The following TIRAP variants were observed in gnomAD, a reference collection of about 807,000 sequenced individuals.
TIRAP encodes the protein TIR domain containing adaptor protein.
In TIRAP, 20 loss-of-function variants were observed where a neutral mutation model predicts 19.8. The ratio of observed to expected loss-of-function variants is 1.01; its 90% CI spans 0.71 to 1.47. The LOEUF (loss-of-function observed/expected upper bound fraction) is 1.47. TIRAP is among the 40% of genes most tolerant of loss of function. The probability of loss-of-function intolerance (pLI) is 0.00; values close to 1 mark genes in which losing one functional copy is unlikely to be tolerated. For synonymous variants in TIRAP, 125 were observed against 121.7 expected (o/e 1.03, Z -0.18); for missense variants, 276 against 285.1 (o/e 0.97, Z 0.23).
Position 126,286,991 on chromosome 11 carries a change from G to A in TIRAP, c.-216-3471G>A, listed in dbSNP as rs188147665. ...TCTTTCGTCTGCCTCAGACCTTCCT[G>A]CCTCCCTCTTGAAAGGATCTTTGTG... On this transcript the variant is annotated intron_variant, in intron 1 of 4. Coordinates refer to ENST00000392679, the MANE Select transcript of TIRAP (RefSeq NM_001318777.2). Among the ~76,000 whole-genome samples, 28 of 152,272 alleles carry A rather than the reference G, an allele frequency of 1.8e-4. 1 individual carries two copies. Among genetic ancestry groups the A allele is most frequent in the Non-Finnish European group, 3.7e-4 (25 of 68,016 alleles).
chr11:126,285,589 C>T (rs1179943443), intron 1 of TIRAP, among the ~76,000 whole-genome samples: 1 of 151,848 alleles, frequency 6.6e-6, no homozygotes, highest in African/African-American at 2.4e-5. Flanking sequence ...CATTTTAACC[C>T]TCGGGAGATT....
rs1201473519 is a variant in TIRAP at position 126,287,928 on chromosome 11, A to G, written c.-216-2534A>G. Among the ~76,000 whole-genome samples the G allele has an allele frequency of 1.3e-5, 2 of 151,798 alleles. No individual in the cohort carries two copies. The highest frequency in any genetic ancestry group is 2.9e-5 in the Non-Finnish European group (2 of 67,954). Reference sequence around the variant, plus strand: ...GACACCATGCCTGGCTAATTTTTGTATTTTTAGTAGAGACAGGGTTTCGAC... The same window carrying G: ...GACACCATGCCTGGCTAATTTTTGTGTTTTTAGTAGAGACAGGGTTTCGAC... On this transcript the variant is annotated intron_variant, in intron 1 of 4. Transcript: ENST00000392679. This position sits in a 1 kb window ranked among gnomAD's most constrained non-coding sequence, Gnocchi z 4.2.
At chr11:126,283,281 C>T (rs1009872519) in intron 1 of TIRAP, 128 bp downstream of exon 1, 2 of 434,074 alleles carry the variant, frequency 4.6e-6, no homozygotes, top group Non-Finnish European at 6.1e-6. Flanking sequence ...TGCGCGCCGC[C>T]TCTGGTCCGG....
rs1315472942 is a variant in TIRAP, at chr11:126,283,146, G to A, written c.-224G>A. ...CGCAGCCCTCATCGCAACTGGGCCC[G>A]CGCGCAGGTGAGCCCGGGGCGGGGT... On this transcript the variant is annotated 5_prime_UTR_variant, in exon 1 of 5. Transcript: ENST00000392679. 1.0e-6 allele frequency: 1 copy of A among 984,856 alleles called. No individual in the cohort carries two copies. The highest frequency in any genetic ancestry group is 4.7e-5 in the South Asian group (1 of 21,286). 61.0% of individuals were successfully genotyped at this position (984,856 alleles called of 1,614,324 possible). A position where few individuals can be genotyped will look rare whatever the true frequency, so the allele number is the denominator to read the frequency against.
At chr11:126,285,220 T>C (rs1054296358) in intron 1 of TIRAP, among the ~76,000 whole-genome samples, 2 of 144,928 alleles carry the variant, frequency 1.4e-5, no homozygotes, top group Admixed American at 7.2e-5. Context: ...TATAAGACAT[T>C]TATTGGATAT....
rs150070873 is a variant in TIRAP, at chr11:126,285,162, T to C, written c.-217+2009T>C. Among the ~76,000 whole-genome samples the C allele has an allele frequency of 6.4e-3, 973 of 151,528 alleles. 6 individuals are homozygous for C. Among genetic ancestry groups the C allele is most frequent in the Middle Eastern group, 0.027 (8 of 294 alleles). On this transcript the variant is annotated intron_variant, in intron 1 of 4. Coordinates refer to ENST00000392679, the MANE Select transcript of TIRAP (RefSeq NM_001318777.2). Reference sequence around the variant, plus strand: ...AGTGCCTGCTCAATTCTTCTGCTCATTTTTCTGTCGTCTTACTAGTTCCAT... The same window carrying C: ...AGTGCCTGCTCAATTCTTCTGCTCACTTTTCTGTCGTCTTACTAGTTCCAT...
chr11:126,294,642 A>G lies in TIRAP; in HGVS notation c.*955A>G, dbSNP rs1269308646. On this transcript the variant is annotated 3_prime_UTR_variant, in exon 5 of 5. Coordinates refer to ENST00000392679, the MANE Select transcript of TIRAP (RefSeq NM_001318777.2). ...AAGGTTTCATTCATCTGTTCTCAGT[A>G]AGTTTGTTGTTGAACTGAAATGAAT... The G allele has an allele frequency of 9.1e-6, 4 of 437,220 alleles. No homozygotes were observed. Among genetic ancestry groups the G allele is most frequent in the African/African-American group, 2.0e-5 (1 of 49,310 alleles). The allele number at this position is 437,220 out of a possible 1,614,324, so 27.1% of individuals were successfully genotyped here.
At chr11:126,283,462 G>A (rs1951280026) in intron 1 of TIRAP, among the ~76,000 whole-genome samples, 1 of 152,262 alleles carries the variant, frequency 6.6e-6, no homozygotes, top group African/African-American at 2.4e-5. Context: ...CTGGCGCTCA[G>A]TGCGTTGTGG....
At position 126,288,175 on chromosome 11, in the gene TIRAP, C is replaced by T. The variant is rs903833135; in HGVS notation, c.-216-2287C>T. On this transcript the variant is annotated intron_variant, in intron 1 of 4. Coordinates refer to ENST00000392679, the MANE Select transcript of TIRAP (RefSeq NM_001318777.2). This position sits in a 1 kb window ranked among gnomAD's most constrained non-coding sequence, Gnocchi z 5.0. ...GATTACAGGCATGAGCCACTGAGCC[C>T]GTTCCCTTTACTAATTTTCTATCAA... is the stretch of plus-strand genomic sequence containing the variant. 2.0e-5 allele frequency among the ~76,000 whole-genome samples: 3 copies of T among 152,354 alleles called. No individual in the cohort carries two copies. The highest frequency in any genetic ancestry group is 4.4e-5 in the Non-Finnish European group (3 of 68,024).
At chr11:126,284,033 C>CTTTTTTTTTTTTTTT in intron 1 of TIRAP, among the ~76,000 whole-genome samples, 1 of 113,200 alleles carries the variant, frequency 8.8e-6, no homozygotes, top group Non-Finnish European at 1.7e-5. Flanking sequence ...TCATGTACTT[C>CTTTTTTTTTTTTTTT]TTTTTTTTTT....
At chr11:126,293,236 A>T in intron 4 of TIRAP, 181 bp downstream of exon 4, 1 of 1,100,840 alleles carries the variant, frequency 9.1e-7, no homozygotes, top group Non-Finnish European at 1.3e-6. Flanking sequence ...TGGCCAAGTT[A>T]CTCACCCGCT....
At chr11:126,286,018 C>T (rs1410775028) in intron 1 of TIRAP, among the ~76,000 whole-genome samples, 1 of 140,896 alleles carries the variant, frequency 7.1e-6, no homozygotes, top group African/African-American at 2.7e-5. Flanking sequence ...CACAACACTG[C>T]ACTCCAGCCT....
In TIRAP at chr11:126,290,575, G is replaced by C. The variant is rs141732221; in HGVS notation, c.-103G>C. Reference sequence around the variant, plus strand: ...ACAGTTCCTCAGCTGGTCATGCTGAGCTCATACCCTGTAAGTCTGACCACA... The same window carrying C: ...ACAGTTCCTCAGCTGGTCATGCTGACCTCATACCCTGTAAGTCTGACCACA... On this transcript the variant is annotated 5_prime_UTR_variant, in exon 2 of 5. Transcript: ENST00000392679. This position sits in a 1 kb window ranked among gnomAD's most constrained non-coding sequence, Gnocchi z 4.9. The C allele has an allele frequency of 2.9e-5, 32 of 1,091,270 alleles. No homozygotes were observed. In the Middle Eastern group the frequency reaches 1.6e-3, roughly 55 times the overall value. 67.6% of individuals were successfully genotyped at this position (1,091,270 alleles called of 1,614,324 possible).
Position 126,294,856 on chromosome 11 carries a change from G to C in TIRAP, c.*1169G>C, listed in dbSNP as rs1951454469. ...CACACCTGTAATCTCAGCACTTTGGGAGGCCGAGGCAGGTGGATCACCTGA... is the reference window on the plus strand; with the variant it reads ...CACACCTGTAATCTCAGCACTTTGGCAGGCCGAGGCAGGTGGATCACCTGA... On this transcript the variant is annotated 3_prime_UTR_variant, in exon 5 of 5. Coordinates refer to ENST00000392679, the MANE Select transcript of TIRAP (RefSeq NM_001318777.2). 4.3e-6 allele frequency: 1 copy of C among 233,216 alleles called. No homozygotes were observed. Among genetic ancestry groups the C allele is most frequent in the Admixed American group, 5.2e-5 (1 of 19,110 alleles). 14.4% of individuals were successfully genotyped at this position (233,216 alleles called of 1,614,324 possible).
In TIRAP at chr11:126,294,649, T is replaced by C. The variant is rs1339825429; in HGVS notation, c.*962T>C. The C allele has an allele frequency of 2.3e-6, 1 of 430,026 alleles. No homozygotes were observed. Among genetic ancestry groups the C allele is most frequent in the East Asian group, 7.2e-5 (1 of 13,982 alleles). The allele number at this position is 430,026 out of a possible 1,614,324, so 26.6% of individuals were successfully genotyped here. On this transcript the variant is annotated 3_prime_UTR_variant, in exon 5 of 5. Coordinates refer to ENST00000392679, the MANE Select transcript of TIRAP (RefSeq NM_001318777.2). ...CATTCATCTGTTCTCAGTAAGTTTGTTGTTGAACTGAAATGAATTTCATTA... is the reference window on the plus strand; with the variant it reads ...CATTCATCTGTTCTCAGTAAGTTTGCTGTTGAACTGAAATGAATTTCATTA...
At chr11:126,285,243 G>GTGTGTGTGTGTATA in intron 1 of TIRAP, among the ~76,000 whole-genome samples, 8 of 106,974 alleles carry the variant, frequency 7.5e-5, no homozygotes, top group Non-Finnish European at 9.5e-5. Context: ...GTGTGTGTGT[G>GTGTGTGTGTGTATA]TATATATATA....
At chr11:126,284,643 CAGG>C (rs1037344711) in intron 1 of TIRAP, among the ~76,000 whole-genome samples, 3 of 151,910 alleles carry the variant, frequency 2.0e-5, no homozygotes, top group African/African-American at 7.3e-5. Flanking sequence ...ATTACGAGGT[CAGG>C]AGTTCGAGAC....
chr11:126,284,033 CTTTTTTTTTT>C, intron 1 of TIRAP, among the ~76,000 whole-genome samples: 1 of 113,174 alleles, frequency 8.8e-6, no homozygotes, highest in Non-Finnish European at 1.7e-5. Flanking sequence ...TCATGTACTT[CTTTTTTTTTT>C]TTTTTTTTTT....
intron 1 of TIRAP, 59 bp downstream of exon 1, chr11:126,283,212 G>A: frequency 1.1e-6 from 1 of 910,754 alleles, no homozygotes; most frequent in Non-Finnish European, 1.3e-6. Context: ...CGTGGGGTGG[G>A]CGACGGAGCG....
Sources: gnomAD v4.1 joint callset for allele counts (sites outside exome capture counted in the v4.1 genomes callset) on GRCh38, gnomAD v4.1.1 for gene constraint, Gnocchi (gnomAD v3.1) non-coding constraint, MANE v1.5 for transcripts, NCBI Gene and HGNC (gene_info 2026-07-23, HGNC 2026-07-21) for gene names.